UVRAG: variants seen among roughly 807,000 people sequenced by gnomAD.
UVRAG encodes the protein UV radiation resistance-associated gene protein.
In UVRAG, 19 loss-of-function variants were observed where a neutral mutation model predicts 78.0. That is an observed-to-expected ratio of 0.24 (90% CI 0.17 to 0.36). The LOEUF is 0.36. Among genes scored for constraint, UVRAG ranks in the 10% least tolerant of loss-of-function variants. The pLI is 1.00. For synonymous variants in UVRAG, 323 were observed against 324.6 expected (o/e 1.00, Z 0.05); for missense variants, 740 against 853.8 (o/e 0.87, Z 1.66).
chr11:76,134,379 T>C (rs1952565777), intron 14 of UVRAG, among the ~76,000 whole-genome samples: 3 of 150,040 alleles, frequency 2.0e-5, no homozygotes, highest in Non-Finnish European at 4.4e-5. Flanking sequence ...TCCTCCCACC[T>C]CAGCCTCCCT....
intron 12 of UVRAG, among the ~76,000 whole-genome samples, chr11:76,059,985 A>T (rs1219405286): frequency 6.6e-6 from 1 of 152,216 alleles, no homozygotes; most frequent in African/African-American, 2.4e-5. Flanking sequence ...CAAATAACTA[A>T]ATCTGGATGT....
intron 5 of UVRAG, among the ~76,000 whole-genome samples, chr11:75,903,281 C>G (rs970206068): frequency 3.9e-5 from 6 of 152,156 alleles, no homozygotes; most frequent in Admixed American, 1.3e-4. Flanking sequence ...TTAAATGTAG[C>G]TCTGATTATA....
chr11:75,995,687 T>C (rs569191373), intron 8 of UVRAG, among the ~76,000 whole-genome samples: 88 of 152,170 alleles, frequency 5.8e-4, no homozygotes, highest in African/African-American at 2.1e-3. Context: ...CTATTTGAAG[T>C]TGTAAATACA....
intron 6 of UVRAG, among the ~76,000 whole-genome samples, chr11:75,920,165 A>G (rs566854018): frequency 6.6e-6 from 1 of 151,616 alleles, no homozygotes; most frequent in Admixed American, 6.6e-5. Context: ...AGCTGGGACT[A>G]CAGGCACGTG....
chr11:76,095,488 G>C (rs1365696374), intron 13 of UVRAG, among the ~76,000 whole-genome samples: 1 of 150,938 alleles, frequency 6.6e-6, no homozygotes, highest in Non-Finnish European at 1.5e-5. Flanking sequence ...AAAAATTTGT[G>C]ATATAAATAT....
At chr11:75,988,426 G>A (rs569087160) in intron 8 of UVRAG, among the ~76,000 whole-genome samples, 8 of 152,252 alleles carry the variant, frequency 5.3e-5, no homozygotes, top group Admixed American at 2.0e-4. Context: ...GATTTATGTG[G>A]TTGTATGTGT....
chr11:75,893,124 C>T (rs1190064217), intron 5 of UVRAG, among the ~76,000 whole-genome samples: 3 of 151,420 alleles, frequency 2.0e-5, no homozygotes, highest in African/African-American at 7.3e-5. Flanking sequence ...TTGCAGTGAG[C>T]CGAGATCGCA....
At position 76,014,738 on chromosome 11, in the gene UVRAG, C is replaced by T. The variant is rs149136423; in HGVS notation, c.1061-2077C>T. 2.7e-3 allele frequency among the ~76,000 whole-genome samples: 412 copies of T among 152,320 alleles called. 6 individuals are homozygous for T. The highest frequency in any genetic ancestry group is 9.5e-3 in the African/African-American group (395 of 41,568). On this transcript the variant is annotated intron_variant, in intron 11 of 14. Transcript: ENST00000356136. ...TTTATACCACCTGGGTCTCATTTCT[C>T]TCTTCTCCAAGTTGGTAGCATCAGA...
intron 13 of UVRAG, among the ~76,000 whole-genome samples, chr11:76,106,006 G>A (rs2134451601): frequency 6.6e-6 from 1 of 152,220 alleles, no homozygotes; most frequent in African/African-American, 2.4e-5. Context: ...TGGTCCAAGA[G>A]AAACAAAAAT....
At chr11:76,035,855 C>T (rs191885968) in intron 12 of UVRAG, among the ~76,000 whole-genome samples, 7 of 152,276 alleles carry the variant, frequency 4.6e-5, no homozygotes, top group African/African-American at 7.2e-5. Context: ...TAACAAAAAT[C>T]GCCTTGTTTC....
At chr11:76,046,673 G>A (rs1372435033) in intron 12 of UVRAG, among the ~76,000 whole-genome samples, 1 of 152,152 alleles carries the variant, frequency 6.6e-6, no homozygotes, top group East Asian at 1.9e-4. Flanking sequence ...TTTTGGAAGA[G>A]GTGGGGAAGC....
intron 12 of UVRAG, among the ~76,000 whole-genome samples, chr11:76,031,422 G>C (rs780260286): frequency 6.6e-6 from 1 of 152,200 alleles, no homozygotes; most frequent in Non-Finnish European, 1.5e-5. Flanking sequence ...TGAGTCAAGA[G>C]AAATTGTGCA....
intron 13 of UVRAG, among the ~76,000 whole-genome samples, chr11:76,107,883 C>T (rs147113707): frequency 2.0e-5 from 3 of 151,740 alleles, no homozygotes. Flanking sequence ...GTAACTAGTT[C>T]CACAGAGATG....
chr11:76,115,870 C>T (rs1394494589), intron 13 of UVRAG, 54 bp from the exon 14 acceptor site: 2 of 1,533,258 alleles, frequency 1.3e-6, no homozygotes, highest in Non-Finnish European at 9.0e-7. Context: ...GTTCATTTTT[C>T]CGAAGCTTAT....
intron 13 of UVRAG, among the ~76,000 whole-genome samples, chr11:76,069,535 G>A (rs905464288): frequency 2.0e-5 from 3 of 152,164 alleles, no homozygotes; most frequent in Non-Finnish European, 4.4e-5. Flanking sequence ...CATTATATTA[G>A]AATTTGTATA....
Position 76,004,213 on chromosome 11 carries a change from C to T in UVRAG, c.911+124C>T, listed in dbSNP as rs180679122. On this transcript the variant is annotated intron_variant, in intron 9 of 14. Coordinates refer to ENST00000356136, the MANE Select transcript of UVRAG (RefSeq NM_003369.4). Reference sequence around the variant, plus strand: ...AGCCCATATACCTCAGTACCACATTCGTTTATTCAACACATATTCATTAAT... The same window carrying T: ...AGCCCATATACCTCAGTACCACATTTGTTTATTCAACACATATTCATTAAT... 5.7e-6 allele frequency: 5 copies of T among 876,624 alleles called. No individual in the cohort carries two copies. In the African/African-American group the frequency reaches 8.4e-5, roughly 15 times the overall value. The allele number at this position is 876,624 out of a possible 1,614,324, so 54.3% of individuals were successfully genotyped here.
At chr11:76,116,064 C>A in intron 14 of UVRAG, 49 bp downstream of exon 14, 1 of 1,561,048 alleles carries the variant, frequency 6.4e-7, no homozygotes, top group Non-Finnish European at 8.8e-7. Flanking sequence ...TGGATAGGAT[C>A]CTGAAAATCT....
At chr11:75,998,867 C>T (rs1277871970) in intron 8 of UVRAG, among the ~76,000 whole-genome samples, 1 of 152,188 alleles carries the variant, frequency 6.6e-6, no homozygotes, top group Admixed American at 6.5e-5. Flanking sequence ...AATCTTTGTT[C>T]TTCTGCAGGT....
intron 1 of UVRAG, among the ~76,000 whole-genome samples, chr11:75,835,023 A>G (rs1945747113): frequency 6.6e-6 from 1 of 152,136 alleles, no homozygotes; most frequent in African/African-American, 2.4e-5. Flanking sequence ...TTGGAGAGCC[A>G]TAAACTATAA....
Sources: allele counts gnomAD v4.1 joint callset (sites outside exome capture counted in the v4.1 genomes callset), GRCh38; gene constraint gnomAD v4.1.1; transcripts MANE v1.5; gene names NCBI Gene and HGNC (gene_info 2026-07-23, HGNC 2026-07-21).